TIAM2: variants seen among roughly 807,000 people sequenced by gnomAD.
TIAM2 encodes rho guanine nucleotide exchange factor TIAM2.
A neutral mutation model predicts 152.9 loss-of-function variants in TIAM2; 80 were observed. The observed-to-expected ratio is 0.52, with a 90% CI of 0.44 to 0.63. The LOEUF (loss-of-function observed/expected upper bound fraction) is 0.63. Among genes scored for constraint, TIAM2 ranks in the 30% least tolerant of loss-of-function variants. The pLI, the probability that TIAM2 is intolerant of heterozygous loss-of-function variation, is 0.00. For missense variants in TIAM2, 1,965 were observed against 2,120.1 expected (o/e 0.93, Z 1.44); for synonymous variants, 804 against 838.0 (o/e 0.96, Z 0.70).
chr6:155,021,131 C>T (rs534889985), intron 1 of TIAM2, among the ~76,000 whole-genome samples: 1 of 152,260 alleles, frequency 6.6e-6, no homozygotes, highest in Admixed American at 6.5e-5. Flanking sequence ...GCCCATTGGT[C>T]CACAGACATT....
intron 1 of TIAM2, among the ~76,000 whole-genome samples, chr6:155,019,062 A>T (rs1315507039): frequency 6.6e-6 from 1 of 150,486 alleles, no homozygotes; most frequent in African/African-American, 2.4e-5. Flanking sequence ...TAGGCTGGGC[A>T]CAGTGGCTCA....
At chr6:155,171,553 G>GA (rs199847364) in intron 9 of TIAM2, among the ~76,000 whole-genome samples, 11 of 146,514 alleles carry the variant, frequency 7.5e-5, no homozygotes, top group Admixed American at 2.0e-4. Flanking sequence ...GCTGTAAACT[G>GA]AAAAAAAAAC....
rs148419255 is a variant in TIAM2 at position 155,244,268 on chromosome 6, G to T, written c.3417+189G>T. ...GTGGCCTCGGCTGCATGACCCAGTG[G>T]CAGAGTGTTTACAAAGGCAGAGGGA... On this transcript the variant is annotated intron_variant, in intron 17 of 26. Transcript: ENST00000682666. Among the ~76,000 whole-genome samples, 586 of 152,346 alleles carry T rather than the reference G, an allele frequency of 3.8e-3. 5 individuals are homozygous for T. Among genetic ancestry groups the T allele is most frequent in the African/African-American group, 0.013 (559 of 41,584 alleles).
At chr6:155,094,869 C>T (rs1001612578) in intron 2 of TIAM2, among the ~76,000 whole-genome samples, 1 of 151,842 alleles carries the variant, frequency 6.6e-6, no homozygotes, top group African/African-American at 2.4e-5. Context: ...AGGCATGAGC[C>T]ACCGTGCCTG....
intron 2 of TIAM2, among the ~76,000 whole-genome samples, chr6:155,108,933 T>G (rs572506644): frequency 6.6e-6 from 1 of 152,270 alleles, no homozygotes; most frequent in East Asian, 1.9e-4. Flanking sequence ...AAGATTCCCT[T>G]ATGTGATTAT....
intron 1 of TIAM2, among the ~76,000 whole-genome samples, chr6:155,034,067 C>T (rs1449735616): frequency 6.6e-6 from 1 of 151,338 alleles, no homozygotes; most frequent in Non-Finnish European, 1.5e-5. Flanking sequence ...TTCCTGCCTC[C>T]CTTTGGAGTC....
intron 7 of TIAM2, among the ~76,000 whole-genome samples, chr6:155,161,305 G>T (rs994611292): frequency 2.6e-5 from 4 of 151,982 alleles, no homozygotes; most frequent in African/African-American, 9.7e-5. Context: ...TCCCAACTCA[G>T]CCTCTCAAGA....
At chr6:155,082,110 G>A (rs1245206582) in intron 1 of TIAM2, among the ~76,000 whole-genome samples, 9 of 152,130 alleles carry the variant, frequency 5.9e-5, no homozygotes, top group South Asian at 2.1e-4. Flanking sequence ...TTGGGAGGCC[G>A]AGGTGGGAGG....
rs549753879 is a variant in TIAM2 at position 155,109,774 on chromosome 6, A to G, written c.-117-17716A>G. On this transcript the variant is annotated intron_variant, in intron 2 of 26. Transcript: ENST00000682666. The stretch of plus-strand genomic sequence containing the variant: ...AAGCGACTTGTCCGAAGCCACAGAG[A>G]TGGTTAGTTACCCAGCTGGAAGGAA... Among the ~76,000 whole-genome samples the G allele has an allele frequency of 3.6e-4, 55 of 152,222 alleles. No homozygotes were observed. In the South Asian group the frequency reaches 0.011, roughly 30 times the overall value.
chr6:155,238,993 G>C (rs988388909), intron 15 of TIAM2, among the ~76,000 whole-genome samples: 7 of 152,214 alleles, frequency 4.6e-5, no homozygotes, highest in African/African-American at 1.7e-4. Flanking sequence ...GAGGGCAGTT[G>C]AGAGTGGCCT....
chr6:155,245,550 G>A, intron 18 of TIAM2, 73 bp from the exon 19 acceptor site: 2 of 1,208,610 alleles, frequency 1.7e-6, no homozygotes, highest in Non-Finnish European at 2.4e-6. Flanking sequence ...AAGCCATGGG[G>A]CCGTCAAATG....
intron 1 of TIAM2, 122 bp from the exon 2 acceptor site, chr6:155,090,167 T>C (rs1037554102): frequency 5.3e-5 from 8 of 152,244 alleles, no homozygotes; most frequent in African/African-American, 9.6e-5. Flanking sequence ...TCTTTCAGAT[T>C]CTTCCTTCTT....
intron 15 of TIAM2, among the ~76,000 whole-genome samples, chr6:155,225,061 T>C (rs1199111583): frequency 2.6e-5 from 4 of 152,226 alleles, no homozygotes; most frequent in African/African-American, 9.6e-5. Context: ...GTTCAAGCAG[T>C]TCTCCCACCT....
intron 5 of TIAM2, among the ~76,000 whole-genome samples, chr6:155,140,511 C>T (rs551261079): frequency 2.0e-5 from 3 of 150,630 alleles, no homozygotes; most frequent in Admixed American, 6.6e-5. Context: ...TATACATCAC[C>T]CTAGTGGTGG....
intron 1 of TIAM2, among the ~76,000 whole-genome samples, chr6:155,081,802 G>A (rs960573830): frequency 1.3e-5 from 2 of 151,872 alleles, no homozygotes; most frequent in African/African-American, 4.8e-5. Context: ...TAAATCTCTC[G>A]TTTTTTTTAC....
chr6:155,059,625 G>T (rs1777533147), intron 1 of TIAM2, among the ~76,000 whole-genome samples: 1 of 151,960 alleles, frequency 6.6e-6, no homozygotes, highest in African/African-American at 2.4e-5. Context: ...CTCTATTTGT[G>T]TTTGATGTTT....
At chr6:155,101,243 C>T (rs1778543457) in intron 2 of TIAM2, among the ~76,000 whole-genome samples, 2 of 152,150 alleles carry the variant, frequency 1.3e-5, no homozygotes, top group Admixed American at 1.3e-4. Flanking sequence ...CTTGGTGTGC[C>T]TCATTTTCTT....
chr6:155,045,999 T>C (rs918112202), intron 1 of TIAM2, among the ~76,000 whole-genome samples: 3 of 151,874 alleles, frequency 2.0e-5, no homozygotes, highest in African/African-American at 7.3e-5. Context: ...AGGGCAGGGC[T>C]CCTCCTGCTT....
chr6:155,070,106 T>C (rs1346381472), intron 1 of TIAM2, among the ~76,000 whole-genome samples: 8 of 151,122 alleles, frequency 5.3e-5, no homozygotes, highest in Non-Finnish European at 7.4e-5. Context: ...AGGGTTTCAC[T>C]ATGTTGGCCA....
Sources: allele counts gnomAD v4.1 joint callset (sites outside exome capture counted in the v4.1 genomes callset), GRCh38; gene constraint gnomAD v4.1.1; transcripts MANE v1.5; gene names NCBI Gene and HGNC (gene_info 2026-07-23, HGNC 2026-07-21).